Variants in SLCO6A1 observed in about 807,000 individuals in gnomAD.
SLCO6A1 encodes the protein solute carrier organic anion transporter family member 6A1.
Under a neutral mutation model 72.7 loss-of-function variants are expected in SLCO6A1, and 65 were observed. The ratio of observed to expected loss-of-function variants is 0.89; its 90% CI spans 0.73 to 1.10. The LOEUF (loss-of-function observed/expected upper bound fraction) is 1.10. Ranked by LOEUF, SLCO6A1 falls within the 50% of genes least tolerant of loss-of-function variation. The pLI, the probability that SLCO6A1 is intolerant of heterozygous loss-of-function variation, is 0.00. For synonymous variants in SLCO6A1, 314 were observed against 298.2 expected, an observed-to-expected ratio of 1.05 and a Z score of -0.55; for missense variants, 874 against 872.6, an observed-to-expected ratio of 1.00 and a Z score of -0.02.
At chr5:102,379,057 A>T (rs1745970316) in intron 12 of SLCO6A1, among the ~76,000 whole-genome samples, 1 of 152,302 alleles carries the variant, frequency 6.6e-6, no homozygotes. Flanking sequence ...CTGAGATTAC[A>T]GGCATGAGCA....
intron 10 of SLCO6A1, among the ~76,000 whole-genome samples, chr5:102,392,424 T>C (rs1746817263): frequency 6.6e-6 from 1 of 152,076 alleles, no homozygotes; most frequent in Non-Finnish European, 1.5e-5. Context: ...AGTGTTCTCC[T>C]TTATTTAGCA....
At chr5:102,495,100 A>G (rs1281724526) in intron 1 of SLCO6A1, among the ~76,000 whole-genome samples, 1 of 152,236 alleles carries the variant, frequency 6.6e-6, no homozygotes, top group South Asian at 2.1e-4. Context: ...ACATGAATGA[A>G]TCTCAAAACC....
At position 102,498,645 on chromosome 5, in the gene SLCO6A1, C is replaced by T; in HGVS notation, c.200G>A (p.Arg67Lys). 6.2e-7 allele frequency: 1 copy of T among 1,614,194 alleles called. No homozygotes were observed. The highest frequency in any genetic ancestry group is 8.5e-7 in the Non-Finnish European group (1 of 1,180,032). ...ALIRFGGFRK[R>K]KKAKSSVSKK... Reference sequence around the variant, plus strand: ...GGAAACTGAGGACTTGGCTTTTTTCCTTTTTCGGAAACCGCCGAACCTTAT... The same window carrying T: ...GGAAACTGAGGACTTGGCTTTTTTCTTTTTTCGGAAACCGCCGAACCTTAT... The change falls in exon 1 of 14, where the codon AGG (arginine) becomes AAG (lysine). Residue 67 changes from arginine to lysine, a missense_variant. Transcript: ENST00000506729.
intron 10 of SLCO6A1, among the ~76,000 whole-genome samples, chr5:102,393,551 T>C (rs940455793): frequency 2.6e-5 from 4 of 152,190 alleles, no homozygotes; most frequent in Non-Finnish European, 5.9e-5. Context: ...TAGACTATCA[T>C]GTAATTTTCT....
Position 102,492,631 on chromosome 5 carries a change from T to C in SLCO6A1, c.358+5856A>G, listed in dbSNP as rs559736113. ...GTGCAAGGGGTCAGAGAATTCCCTTTCCTAGCAAAGGGAAGCGGTGACAGA... is the reference window on the plus strand; with the variant it reads ...GTGCAAGGGGTCAGAGAATTCCCTTCCCTAGCAAAGGGAAGCGGTGACAGA... On this transcript the variant is annotated intron_variant, in intron 1 of 13. Coordinates refer to ENST00000506729, the MANE Select transcript of SLCO6A1 (RefSeq NM_173488.5). Among the ~76,000 whole-genome samples, 317 of 152,156 alleles carry C rather than the reference T, an allele frequency of 2.1e-3. 3 individuals carry two copies. Among genetic ancestry groups the C allele is most frequent in the African/African-American group, 7.3e-3 (301 of 41,506 alleles).
intron 6 of SLCO6A1, among the ~76,000 whole-genome samples, chr5:102,451,935 T>C (rs187811532): frequency 9.8e-4 from 149 of 152,360 alleles, no homozygotes; most frequent in Non-Finnish European, 1.3e-3. Context: ...TATTGATTCT[T>C]CTTTCTATGA....
intron 7 of SLCO6A1, among the ~76,000 whole-genome samples, chr5:102,436,164 G>A (rs970045268): frequency 3.9e-5 from 6 of 152,088 alleles, no homozygotes; most frequent in African/African-American, 1.4e-4. Context: ...TATTCCTCAG[G>A]AGTACCTAAA....
intron 6 of SLCO6A1, among the ~76,000 whole-genome samples, chr5:102,443,900 A>G (rs558174355): frequency 1.3e-5 from 2 of 152,326 alleles, no homozygotes; most frequent in East Asian, 1.9e-4. Flanking sequence ...AGAAATCAGA[A>G]TAGTGCTATA....
At chr5:102,409,963 A>G (rs538617160) in intron 9 of SLCO6A1, among the ~76,000 whole-genome samples, 1 of 152,294 alleles carries the variant, frequency 6.6e-6, no homozygotes, top group African/African-American at 2.4e-5. Context: ...GCATTTAAAA[A>G]TAAAATGAAG....
chr5:102,405,515 G>C (rs140160340), intron 9 of SLCO6A1, among the ~76,000 whole-genome samples: 1 of 152,096 alleles, frequency 6.6e-6, no homozygotes, highest in African/African-American at 2.4e-5. Flanking sequence ...CTGGAATACA[G>C]AGAAGCATCA....
chr5:102,444,380 C>G (rs1010354014), intron 6 of SLCO6A1, among the ~76,000 whole-genome samples: 1 of 152,038 alleles, frequency 6.6e-6, no homozygotes, highest in Middle Eastern at 3.2e-3. Context: ...ACTGATTCTG[C>G]CAGTAAAAGA....
chr5:102,462,642 C>T (rs896210700), intron 4 of SLCO6A1, among the ~76,000 whole-genome samples: 4 of 152,112 alleles, frequency 2.6e-5, no homozygotes, highest in African/African-American at 7.2e-5. Context: ...GGGGAAAGGA[C>T]GTCCTATTCA....
At chr5:102,380,874 A>C (rs1428439561) in intron 12 of SLCO6A1, among the ~76,000 whole-genome samples, 1 of 151,950 alleles carries the variant, frequency 6.6e-6, no homozygotes, top group African/African-American at 2.4e-5. Flanking sequence ...TATGGTTGAA[A>C]TCACCTGAGT....
chr5:102,493,718 A>G (rs2112869106), intron 1 of SLCO6A1, among the ~76,000 whole-genome samples: 1 of 152,322 alleles, frequency 6.6e-6, no homozygotes, highest in African/African-American at 2.4e-5. Context: ...TTCACAGATG[A>G]TATAATAATG....
At chr5:102,463,414 T>C (rs1171098868) in intron 4 of SLCO6A1, among the ~76,000 whole-genome samples, 1 of 152,238 alleles carries the variant, frequency 6.6e-6, no homozygotes, top group Non-Finnish European at 1.5e-5. Flanking sequence ...ACAATCTCAC[T>C]ACTGGGTATC....
chr5:102,454,708 C>A, intron 6 of SLCO6A1, among the ~76,000 whole-genome samples: 1 of 150,706 alleles, frequency 6.6e-6, no homozygotes. Flanking sequence ...ACAAAAAAAA[C>A]CTTAAAACAC....
chr5:102,482,987 A>G (rs1051096468), intron 1 of SLCO6A1, among the ~76,000 whole-genome samples: 6 of 152,196 alleles, frequency 3.9e-5, no homozygotes, highest in Admixed American at 3.3e-4. Flanking sequence ...CAGTGCAACA[A>G]CCAGACGAGC....
chr5:102,491,795 C>T (rs751743945), intron 1 of SLCO6A1, among the ~76,000 whole-genome samples: 6 of 152,260 alleles, frequency 3.9e-5, no homozygotes, highest in Non-Finnish European at 7.3e-5. Context: ...GGGGCTCCCA[C>T]GGAGCTGCGG....
At chr5:102,485,832 G>A (rs183634462) in intron 1 of SLCO6A1, among the ~76,000 whole-genome samples, 5 of 152,086 alleles carry the variant, frequency 3.3e-5, no homozygotes, top group African/African-American at 1.2e-4. Flanking sequence ...GGTCTTAGGG[G>A]CTTCTAATAC....
Sources: gnomAD v4.1 joint callset for allele counts (sites outside exome capture counted in the v4.1 genomes callset) on GRCh38, gnomAD v4.1.1 for gene constraint, MANE v1.5 for transcripts, NCBI Gene and HGNC (gene_info 2026-07-23, HGNC 2026-07-21) for gene names.